SLC7A14: variants seen among roughly 807,000 people sequenced by gnomAD.
SLC7A14 encodes solute carrier family 7 member 14.
A neutral mutation model predicts 60.2 loss-of-function variants in SLC7A14; 37 were observed. That is an observed-to-expected ratio of 0.61 (90% CI 0.47 to 0.81). The LOEUF is 0.81. Ranked by LOEUF, SLC7A14 falls within the 30% of genes least tolerant of loss-of-function variation. The pLI is 0.00. For synonymous variants in SLC7A14, 399 were observed against 395.8 expected (o/e 1.01, Z -0.10); for missense variants, 886 against 982.7 (o/e 0.90, Z 1.32).
At chr3:170,510,711 C>A (rs2108285745) in intron 2 of SLC7A14, among the ~76,000 whole-genome samples, 1 of 152,250 alleles carries the variant, frequency 6.6e-6, no homozygotes, top group East Asian at 1.9e-4. Flanking sequence ...ATCTTCTGGC[C>A]CAGATTGGTC....
chr3:170,529,380 A>G (rs1437708272), intron 1 of SLC7A14, among the ~76,000 whole-genome samples: 1 of 152,240 alleles, frequency 6.6e-6, no homozygotes, highest in African/African-American at 2.4e-5. Flanking sequence ...CATCATTTTT[A>G]ATAACTGAGT....
intron 2 of SLC7A14, among the ~76,000 whole-genome samples, chr3:170,523,475 CT>C (rs376241368): frequency 2.1e-3 from 315 of 152,308 alleles, no homozygotes; most frequent in African/African-American, 7.2e-3. Flanking sequence ...CACTTCCCTT[CT>C]TATTCAGCCT....
Position 170,533,001 on chromosome 3 carries a change from C to T in SLC7A14, c.-152-5913G>A, listed in dbSNP as rs149575655. 1.3e-3 allele frequency among the ~76,000 whole-genome samples: 197 copies of T among 152,194 alleles called. 1 individual carries two copies. The highest frequency in any genetic ancestry group is 4.4e-3 in the African/African-American group (184 of 41,512). On this transcript the variant is annotated intron_variant, in intron 1 of 7. Transcript: ENST00000231706. ...CTTCTATACTTTTGACTTTTTTCCC[C>T]AAGATGCACACATACCTTTGGGATG...
intron 2 of SLC7A14, among the ~76,000 whole-genome samples, chr3:170,523,769 G>A (rs1713409281): frequency 1.3e-5 from 2 of 152,150 alleles, no homozygotes; most frequent in South Asian, 4.1e-4. Context: ...GTTGTATGGA[G>A]AAGCAGTGGG....
At chr3:170,567,977 T>C (rs199767442) in intron 1 of SLC7A14, among the ~76,000 whole-genome samples, 1 of 152,046 alleles carries the variant, frequency 6.6e-6, no homozygotes, top group South Asian at 2.1e-4. Context: ...ATTCTGATGG[T>C]AGTTTCTTTT....
intron 5 of SLC7A14, among the ~76,000 whole-genome samples, chr3:170,483,803 C>T (rs372056785): frequency 2.6e-5 from 4 of 152,314 alleles, no homozygotes; most frequent in East Asian, 1.9e-4. Context: ...GGTATTTCAG[C>T]CCCATGAGCA....
rs530537600 is a variant in SLC7A14, at chr3:170,520,069, A to T, written c.304+6564T>A. Among the ~76,000 whole-genome samples, 27 of 152,346 alleles carry T rather than the reference A, an allele frequency of 1.8e-4. No homozygotes were observed. The South Asian group carries it at 5.6e-3, about 32-fold the overall frequency. ...CTTATTTTGGTGTTTTGTTGTCTGC[A>T]ATTGAATGTAATATAATCTGTTAAT... On this transcript the variant is annotated intron_variant, in intron 2 of 7. Transcript: ENST00000231706.
At chr3:170,494,471 A>G (rs778606678) in intron 4 of SLC7A14, among the ~76,000 whole-genome samples, 1 of 152,230 alleles carries the variant, frequency 6.6e-6, no homozygotes, top group Non-Finnish European at 1.5e-5. Flanking sequence ...GGAGCCCCTG[A>G]GAAGGAAAGG....
intron 4 of SLC7A14, among the ~76,000 whole-genome samples, chr3:170,492,156 GTT>G (rs1269492932): frequency 4.6e-5 from 7 of 152,142 alleles, no homozygotes; most frequent in Admixed American, 2.6e-4. Context: ...GACCACTGGT[GTT>G]TATAATTAGG....
intron 3 of SLC7A14, 117 bp from the exon 4 acceptor site, chr3:170,499,001 C>G: frequency 1.2e-6 from 1 of 867,332 alleles, no homozygotes; most frequent in Non-Finnish European, 1.8e-6. Context: ...AACTGGGAGG[C>G]CGAGGCAGGC....
intron 7 of SLC7A14, among the ~76,000 whole-genome samples, chr3:170,472,347 C>T (rs368680800): frequency 9.1e-5 from 13 of 142,944 alleles, no homozygotes; most frequent in Middle Eastern, 4.2e-3. Context: ...CCAGCCTGGG[C>T]GACAGAGTGA....
At chr3:170,510,101 A>G (rs977069485) in intron 2 of SLC7A14, among the ~76,000 whole-genome samples, 13 of 143,078 alleles carry the variant, frequency 9.1e-5, no homozygotes, top group African/African-American at 3.4e-4. Context: ...AAAAAATGTA[A>G]CCAATCTGCA....
At position 170,460,518 on chromosome 3, in the gene SLC7A14, G is replaced by A. The variant is rs747572160; in HGVS notation, c.*6537C>T. 1.3e-5 allele frequency: 2 copies of A among 152,132 alleles called. No individual in the cohort carries two copies. Among genetic ancestry groups the A allele is most frequent in the South Asian group, 4.1e-4 (2 of 4,822 alleles). 9.4% of individuals were successfully genotyped at this position (152,132 alleles called of 1,614,324 possible). On this transcript the variant is annotated 3_prime_UTR_variant, in exon 8 of 8. Coordinates refer to ENST00000231706, the MANE Select transcript of SLC7A14 (RefSeq NM_020949.3). ...CTTTGGGAGTGTGAATGAGACAAGC[G>A]TATCAGCAACTGCCAAGACCAATCA... is the stretch of plus-strand genomic sequence containing the variant.
At position 170,465,168 on chromosome 3, in the gene SLC7A14, T is replaced by G. The variant is rs1294363832; in HGVS notation, c.*1887A>C. ...AATGACTACAGAAGAATAAAAAATA[T>G]CTAGAAAATTGCAGTTATTTTAGTT... On this transcript the variant is annotated 3_prime_UTR_variant, in exon 8 of 8. Transcript: ENST00000231706. The G allele has an allele frequency of 6.6e-6, 1 of 152,198 alleles. No individual in the cohort carries two copies. Among genetic ancestry groups the G allele is most frequent in the Admixed American group, 6.5e-5 (1 of 15,286 alleles). 9.4% of individuals were successfully genotyped at this position (152,198 alleles called of 1,614,324 possible). A position where few individuals can be genotyped will look rare whatever the true frequency, so the allele number is the denominator to read the frequency against.
chr3:170,469,387 T>G (rs1035560735), intron 7 of SLC7A14, among the ~76,000 whole-genome samples: 2 of 152,206 alleles, frequency 1.3e-5, no homozygotes, highest in Non-Finnish European at 2.9e-5. Flanking sequence ...CACAGATTTA[T>G]AGTCCTAATT....
chr3:170,469,421 A>G (rs1739819366), intron 7 of SLC7A14, among the ~76,000 whole-genome samples: 1 of 152,084 alleles, frequency 6.6e-6, no homozygotes, highest in South Asian at 2.1e-4. Context: ...AGAGTTAATT[A>G]TTTGCAGATG....
intron 2 of SLC7A14, among the ~76,000 whole-genome samples, chr3:170,515,350 A>G (rs1713123908): frequency 6.6e-6 from 1 of 150,974 alleles, no homozygotes; most frequent in Non-Finnish European, 1.5e-5. Context: ...ATGTATATAT[A>G]TATTATGGAT....
chr3:170,545,384 G>C (rs75163310), intron 1 of SLC7A14, among the ~76,000 whole-genome samples: 1,638 of 152,280 alleles, frequency 0.011, 26 homozygotes, highest in African/African-American at 0.028. Context: ...CCCTTATCCA[G>C]AGTCTTTTTC....
intron 1 of SLC7A14, among the ~76,000 whole-genome samples, chr3:170,569,697 T>C (rs1480233438): frequency 1.3e-5 from 2 of 152,128 alleles, no homozygotes; most frequent in South Asian, 2.1e-4. Context: ...CTCCTGTTAT[T>C]GGTCTATTCA....
Sources: gnomAD v4.1 joint callset for allele counts (sites outside exome capture counted in the v4.1 genomes callset) on GRCh38, gnomAD v4.1.1 for gene constraint, MANE v1.5 for transcripts, NCBI Gene and HGNC (gene_info 2026-07-23, HGNC 2026-07-21) for gene names.